The following PCNX3 variants were observed in gnomAD, a reference collection of about 807,000 sequenced individuals.
The protein encoded by PCNX3 is pecanex-like protein 3.
A neutral mutation model predicts 207.2 loss-of-function variants in PCNX3; 58 were observed. The ratio of observed to expected loss-of-function variants is 0.28; its 90% CI spans 0.23 to 0.35. The LOEUF is 0.35. Among genes scored for constraint, PCNX3 ranks in the 10% least tolerant of loss-of-function variants. The probability of loss-of-function intolerance (pLI) is 1.00; values close to 1 mark genes in which losing one functional copy is unlikely to be tolerated. For synonymous variants in PCNX3, 1,337 were observed against 1,183.5 expected, an observed-to-expected ratio of 1.13 and a Z score of -2.66; for missense variants, 2,410 against 2,774.4, an observed-to-expected ratio of 0.87 and a Z score of 2.95.
Position 65,622,292 on chromosome 11 carries a change from C to G in PCNX3, c.2283C>G (p.Tyr761Ter). ...EEAPPRAQHS[Y>*]KYWLLPGRWT... ...CGCCACCCCGGGCCCAGCATAGTTACAAGTACTGGCTTCTCCCTGGCCGCT... is the reference window on the plus strand; with the variant it reads ...CGCCACCCCGGGCCCAGCATAGTTAGAAGTACTGGCTTCTCCCTGGCCGCT... Residue 761 changes from tyrosine (Y) to a stop codon, truncating the protein, a stop_gained, in exon 11 of 35, where the codon TAC becomes TAG. Transcript: ENST00000355703. LOFTEE classifies it high-confidence loss of function. The G allele has an allele frequency of 6.2e-7, 1 of 1,600,822 alleles. No homozygotes were observed. The highest frequency in any genetic ancestry group is 8.5e-7 in the Non-Finnish European group (1 of 1,174,272).
chr11:65,617,989 T>C lies in PCNX3; in HGVS notation c.627T>C (p.Leu209=). 1 of 1,611,578 alleles carries C rather than the reference T, an allele frequency of 6.2e-7. No individual in the cohort carries two copies. ...TPPGAVPDPS[L]ASTDSSEPSP... ...CAGGGGCTGTCCCAGACCCCTCTCT[T>C]GCCAGTACAGACTCTTCAGAGCCTT... The change falls in exon 6 of 35, where the codon CTT becomes CTC. Residue 209 remains leucine (L), a synonymous_variant. Coordinates refer to ENST00000355703, the MANE Select transcript of PCNX3 (RefSeq NM_032223.4).
Position 65,618,607 on chromosome 11 carries a change from T to C in PCNX3, c.1245T>C (p.Gly415=). 1 of 1,612,378 alleles carries C rather than the reference T, an allele frequency of 6.2e-7. No homozygotes were observed. The highest frequency in any genetic ancestry group is 2.2e-5 in the East Asian group (1 of 44,848). ...GRAPRRPLLE[G]GGFFEDEDTS... is the part of the protein sequence containing the mutation. The stretch of plus-strand genomic sequence containing the variant: ...CCCCTCGACGGCCCCTGCTTGAAGG[T>C]GGGGGCTTCTTTGAGGATGAAGACA... The change falls in exon 6 of 35, where the codon GGT becomes GGC. Residue 415 remains glycine, a synonymous_variant. Coordinates refer to ENST00000355703, the MANE Select transcript of PCNX3 (RefSeq NM_032223.4).
intron 10 of PCNX3, among the ~76,000 whole-genome samples, chr11:65,621,261 C>T (rs370422907): frequency 5.3e-5 from 8 of 152,154 alleles, no homozygotes; most frequent in Non-Finnish European, 8.8e-5. Context: ...ATGATACTTG[C>T]GGAAGTGGCA....
At chr11:65,620,716 C>A in intron 9 of PCNX3, 115 bp from the exon 10 acceptor site, 1 of 1,391,560 alleles carries the variant, frequency 7.2e-7, no homozygotes, top group Non-Finnish European at 9.8e-7. Context: ...GTCCCTTGAG[C>A]CCTGGTTGGT....
rs1355875263 is a variant in PCNX3, at chr11:65,624,322, T to C, written c.2672T>C (p.Leu891Pro). Residue 891 changes from leucine (L) to proline (P), a missense_variant, in exon 14 of 35, where the codon CTC becomes CCC. Coordinates refer to ENST00000355703, the MANE Select transcript of PCNX3 (RefSeq NM_032223.4). ...FPPVSLYGLT[L>P]FSASFFFCAR... ...CCTGTCTCCCTCTACGGCCTCACGC[T>C]CTTCTCTGCCTCCTTCTTCTTCTGT... 6.4e-7 allele frequency: 1 copy of C among 1,564,872 alleles called. No homozygotes were observed. The highest frequency in any genetic ancestry group is 8.7e-7 in the Non-Finnish European group (1 of 1,154,322).
chr11:65,627,382 C>T lies in PCNX3; in HGVS notation c.3525-23C>T, dbSNP rs766423319. On this transcript the variant is annotated intron_variant, in intron 21 of 34. Transcript: ENST00000355703. The stretch of plus-strand genomic sequence containing the variant: ...CTGCCCCGGTCCCCTACCAAGCACC[C>T]GATGCCTGCCCCTTGCCCACAGCTG... 80 of 1,601,700 alleles carry T rather than the reference C, an allele frequency of 5.0e-5. No individual in the cohort carries two copies. In the Admixed American group the frequency reaches 9.2e-4, roughly 18 times the overall value.
intron 7 of PCNX3, 31 bp downstream of exon 7, chr11:65,619,691 A>G: frequency 6.3e-7 from 1 of 1,577,684 alleles, no homozygotes; most frequent in South Asian, 1.1e-5. Flanking sequence ...GCCGAGGGGC[A>G]CCGGGGGCCG....
chr11:65,619,808 G>A lies in PCNX3; in HGVS notation c.1884G>A (p.Thr628=), dbSNP rs1174661858. 3.8e-6 allele frequency: 6 copies of A among 1,595,844 alleles called. No individual in the cohort carries two copies. In the Admixed American group the frequency reaches 8.5e-5, roughly 23 times the overall value. Residue 628 remains threonine, a synonymous_variant, in exon 8 of 35, where the codon ACG becomes ACA. Coordinates refer to ENST00000355703, the MANE Select transcript of PCNX3 (RefSeq NM_032223.4). ...CTGCCTCCCACTCCCGGGCGCTGAC[G>A]CTGCCCTCTGCGCTGCATTTCGCCT... The part of the protein sequence containing the change: ...GRAASHSRAL[T]LPSALHFASS...
At chr11:65,623,827 G>C (rs1855237016) in intron 12 of PCNX3, 102 bp from the exon 13 acceptor site, 1 of 1,569,374 alleles carries the variant, frequency 6.4e-7, no homozygotes, top group Admixed American at 1.7e-5. Context: ...GGCCTGACCT[G>C]GTCACTCATA....
Position 65,617,302 on chromosome 11 carries a change from G to T in PCNX3, c.394G>T (p.Val132Leu). Residue 132 changes from valine to leucine, a missense_variant, in exon 3 of 35, where the codon GTG (valine) becomes TTG (leucine). Transcript: ENST00000355703. ...VFRKVSSTPP[V>L]RCSSQHSVFG... The stretch of plus-strand genomic sequence containing the variant: ...CCGGAAAGTCAGTTCCACACCCCCG[G>T]TGCGCTGCAGCTCCCAGCACTCTGT... The T allele has an allele frequency of 6.2e-7, 1 of 1,612,120 alleles. No homozygotes were observed. Among genetic ancestry groups the T allele is most frequent in the Non-Finnish European group, 8.5e-7 (1 of 1,179,192 alleles).
In PCNX3 at chr11:65,616,995, G is replaced by A; in HGVS notation, c.325G>A (p.Asp109Asn). The A allele has an allele frequency of 6.2e-7, 1 of 1,610,704 alleles. No individual in the cohort carries two copies. Among genetic ancestry groups the A allele is most frequent in the South Asian group, 1.1e-5 (1 of 90,816 alleles). The change falls in exon 2 of 35, where the codon GAC becomes AAC. Residue 109 changes from aspartate (D) to asparagine (N), a missense_variant. Transcript: ENST00000355703. Reference protein sequence around the residue: ...GELEEEPAQGDSNPPRDPGVE... With the variant: ...GELEEEPAQGNSNPPRDPGVE... Reference sequence around the variant, plus strand: ...GCTGGAGGAAGAGCCTGCCCAGGGGGACAGCAATCCACCCAGGTGGGTGGG... The same window carrying A: ...GCTGGAGGAAGAGCCTGCCCAGGGGAACAGCAATCCACCCAGGTGGGTGGG...
chr11:65,631,320 C>G (rs912974124), intron 27 of PCNX3, among the ~76,000 whole-genome samples: 1 of 152,104 alleles, frequency 6.6e-6, no homozygotes, highest in African/African-American at 2.4e-5. Flanking sequence ...TCAGCTTACC[C>G]CTTGAGAAGT....
intron 23 of PCNX3, 39 bp downstream of exon 23, chr11:65,628,742 GCTGTGGCCTGGGGCA>G: frequency 6.3e-7 from 1 of 1,597,378 alleles, no homozygotes; most frequent in Non-Finnish European, 8.5e-7. Context: ...TGCAGGGAGG[GCTGTGGCCTGGGGCA>G]GTGGGGGGTG....
At chr11:65,627,795 C>T (rs1292957182) in intron 22 of PCNX3, among the ~76,000 whole-genome samples, 2 of 152,128 alleles carry the variant, frequency 1.3e-5, no homozygotes, top group Admixed American at 1.3e-4. Context: ...CCTCAGGCTT[C>T]CAGAGAATTG....
Position 65,625,979 on chromosome 11 carries a change from C to A in PCNX3, c.3304C>A (p.Arg1102Ser). 6.2e-7 allele frequency: 1 copy of A among 1,613,832 alleles called. No individual in the cohort carries two copies. Among genetic ancestry groups the A allele is most frequent in the Non-Finnish European group, 8.5e-7 (1 of 1,179,860 alleles). ...FFTHYLLPQL[R>S]KQLPWFCLSQ... ...CACACATTACCTGCTGCCACAACTC[C>A]GCAAACAGCTGCCCTGGTTCTGCCT... Residue 1102 changes from arginine (R) to serine (S), a missense_variant, in exon 20 of 35, where the codon CGC (arginine) becomes AGC (serine). Around this residue, in one of 8 missense-constraint regions of PCNX3, gnomAD observed 333 missense variants for 386.8 expected, o/e 0.86. Transcript: ENST00000355703. This position sits in a 1 kb window ranked among gnomAD's most constrained non-coding sequence, Gnocchi z 5.6.
Position 65,618,390 on chromosome 11 carries a change from C to G in PCNX3, c.1028C>G (p.Ala343Gly). ...AGCGACACAGACCCACCCTCTGAGG[C>G]TGAGCTGCCTGCCTCACCAGACGCC... ...EGSDTDPPSEAELPASPDAGV... is the reference protein window; with the variant it reads ...EGSDTDPPSEGELPASPDAGV... Residue 343 changes from alanine to glycine, a missense_variant, in exon 6 of 35, where the codon GCT becomes GGT. By Grantham distance (60) the Ala-to-Gly change is moderately conservative. Around this residue, in one of 8 missense-constraint regions of PCNX3, gnomAD observed 1,104 missense variants for 970.3 expected, o/e 1.14. Transcript: ENST00000355703. 6.2e-7 allele frequency: 1 copy of G among 1,612,776 alleles called. No individual in the cohort carries two copies. The highest frequency in any genetic ancestry group is 1.1e-5 in the South Asian group (1 of 91,088).
intron 6 of PCNX3, 162 bp from the exon 7 acceptor site, chr11:65,619,375 T>G: frequency 1.1e-6 from 1 of 924,932 alleles, no homozygotes; most frequent in Non-Finnish European, 1.3e-6. Context: ...TGTTTGCAAG[T>G]AAGGAAACTG....
chr11:65,636,761 C>A lies in PCNX3; in HGVS notation c.5893-5C>A. ...TCACCCGCCAACCTCTCCCCCCTCC[C>A]CCAGGCGCCTCTAGACCTCAGCCTC... On this transcript the variant is annotated splice_region_variant and splice_polypyrimidine_tract_variant and intron_variant, in intron 34 of 34. Coordinates refer to ENST00000355703, the MANE Select transcript of PCNX3 (RefSeq NM_032223.4). The A allele has an allele frequency of 6.5e-7, 1 of 1,546,830 alleles. No homozygotes were observed. The highest frequency in any genetic ancestry group is 8.7e-7 in the Non-Finnish European group (1 of 1,144,774).
Position 65,637,085 on chromosome 11 carries a change from C to T in PCNX3, c.*107C>T. On this transcript the variant is annotated 3_prime_UTR_variant, in exon 35 of 35. Coordinates refer to ENST00000355703, the MANE Select transcript of PCNX3 (RefSeq NM_032223.4). ...AGTGGCTTTGGCCTACATGTCTGAA[C>T]CCTGACCTTTGGCTGCCTTGGCCAG... is the stretch of plus-strand genomic sequence containing the variant. 7.8e-7 allele frequency: 1 copy of T among 1,287,028 alleles called. No homozygotes were observed. The highest frequency in any genetic ancestry group is 1.5e-5 in the African/African-American group (1 of 67,724). 79.7% of individuals were successfully genotyped at this position (1,287,028 alleles called of 1,614,324 possible). A position where few individuals can be genotyped will look rare whatever the true frequency, so the allele number is the denominator to read the frequency against.
Sources: gnomAD v4.1 joint callset for allele counts (sites outside exome capture counted in the v4.1 genomes callset) on GRCh38, gnomAD v4.1.1 for gene constraint, gnomAD v4.1.1 regional missense constraint, Gnocchi (gnomAD v3.1) non-coding constraint, MANE v1.5 for transcripts, NCBI Gene and HGNC (gene_info 2026-07-23, HGNC 2026-07-21) for gene names.